PASK: variants seen among roughly 807,000 people sequenced by gnomAD.
PASK encodes the protein PAS domain-containing serine/threonine-protein kinase.
In PASK, 110 loss-of-function variants were observed where a neutral mutation model predicts 121.0. The ratio of observed to expected loss-of-function variants is 0.91; its 90% CI spans 0.78 to 1.06. The LOEUF (loss-of-function observed/expected upper bound fraction) is 1.06, where lower values mean the gene tolerates loss of function less well. Ranked by LOEUF, PASK falls within the 50% of genes least tolerant of loss-of-function variation. The pLI is 0.00. For missense variants in PASK, 1,643 were observed against 1,702.3 expected, an observed-to-expected ratio of 0.97 and a Z score of 0.61; for synonymous variants, 686 against 717.8, an observed-to-expected ratio of 0.96 and a Z score of 0.71.
In PASK at chr2:241,126,565, G is replaced by T. The variant is rs758313612; in HGVS notation, c.2350C>A (p.Leu784Ile). Reference sequence around the variant, plus strand: ...AGGACACACGACCCCTGTTCCTGGAGACTGCCTACATCTGGATCGGAGCCC... The same window carrying T: ...AGGACACACGACCCCTGTTCCTGGATACTGCCTACATCTGGATCGGAGCCC... ...AVGSDPDVGS[L>I]QEQGSCVLDD... The change falls in exon 10 of 18, where the codon CTC becomes ATC. Residue 784 changes from leucine to isoleucine, a missense_variant. Physicochemically the swap from Leu to Ile is conservative, Grantham distance 5. Coordinates refer to ENST00000234040, the MANE Select transcript of PASK (RefSeq NM_015148.4). 1.2e-6 allele frequency: 2 copies of T among 1,614,060 alleles called. No individual in the cohort carries two copies. The highest frequency in any genetic ancestry group is 2.2e-5 in the South Asian group (2 of 91,090).
At chr2:241,117,089 G>A (rs1482817359) in intron 12 of PASK, among the ~76,000 whole-genome samples, 1 of 151,430 alleles carries the variant, frequency 6.6e-6, no homozygotes, top group Non-Finnish European at 1.5e-5. Flanking sequence ...GCGGGGGGCT[G>A]GGCAGGCAAC....
rs575008435 is a variant in PASK, at chr2:241,122,690, G to A, written c.3072+42C>T. 3.8e-5 allele frequency: 61 copies of A among 1,587,454 alleles called. No homozygotes were observed. The South Asian group carries it at 6.3e-4, about 16-fold the overall frequency. On this transcript the variant is annotated intron_variant, in intron 12 of 17. Coordinates refer to ENST00000234040, the MANE Select transcript of PASK (RefSeq NM_015148.4). ...TGGGACCAAAAGTCGAGAGCCATGTGAAGTGGTGCCCGGCGCCACTCCCCC... is the reference window on the plus strand; with the variant it reads ...TGGGACCAAAAGTCGAGAGCCATGTAAAGTGGTGCCCGGCGCCACTCCCCC...
At position 241,132,360 on chromosome 2, in the gene PASK, C is replaced by CA. The variant is rs373981403; in HGVS notation, c.1463+513dup. On this transcript the variant is annotated intron_variant, in intron 9 of 17. Transcript: ENST00000234040. Reference sequence around the variant, plus strand: ...CAACATGGTGAAACTAAAAAAAATACAAAAAAGTAACCGGGCGTGGTGGCG... The same window carrying CA: ...CAACATGGTGAAACTAAAAAAAATACAAAAAAAGTAACCGGGCGTGGTGGCG... Among the ~76,000 whole-genome samples the CA allele has an allele frequency of 4.1e-3, 612 of 150,390 alleles. 1 individual carries two copies. The highest frequency in any genetic ancestry group is 0.013 in the African/African-American group (539 of 40,938).
rs577557968 is a variant in PASK at position 241,106,246 on chromosome 2, C to T, written c.*320G>A. 1 of 393,556 alleles carries T rather than the reference C, an allele frequency of 2.5e-6. No homozygotes were observed. Among genetic ancestry groups the T allele is most frequent in the Admixed American group, 4.1e-5 (1 of 24,420 alleles). 24.4% of individuals were successfully genotyped at this position (393,556 alleles called of 1,614,324 possible). A position where few individuals can be genotyped will look rare whatever the true frequency, so the allele number is the denominator to read the frequency against. ...ATATACCAAGTCAGAGGAAACAAAA[C>T]ATGCACATATACAAAAGTAGAAAGA... On this transcript the variant is annotated 3_prime_UTR_variant, in exon 18 of 18. Transcript: ENST00000234040.
upstream of PASK, chr2:241,150,029 G>A (rs565661304): frequency 3.4e-5 from 47 of 1,386,178 alleles, 1 homozygote; most frequent in South Asian, 6.3e-4. Context: ...TACAGACGCA[G>A]CCAGCGAGGC....
Position 241,133,049 on chromosome 2 carries a change from A to C in PASK, c.1307-19T>G. The C allele has an allele frequency of 1.2e-6, 2 of 1,613,732 alleles. No homozygotes were observed. The highest frequency in any genetic ancestry group is 1.7e-6 in the Non-Finnish European group (2 of 1,179,692). ...CTTGGATCTGGCAGCAACACCAAAAAAGAGCGTTTGCTCTTCACAGGCACT... is the reference window on the plus strand; with the variant it reads ...CTTGGATCTGGCAGCAACACCAAAACAGAGCGTTTGCTCTTCACAGGCACT... On this transcript the variant is annotated intron_variant, in intron 8 of 17. Transcript: ENST00000234040.
Position 241,126,480 on chromosome 2 carries a change from C to A in PASK, c.2435G>T (p.Arg812Leu). The A allele has an allele frequency of 6.2e-7, 1 of 1,614,216 alleles. No homozygotes were observed. The highest frequency in any genetic ancestry group is 8.5e-7 in the Non-Finnish European group (1 of 1,180,016). ...GTCVDLGQGRRFRESCVGHDP... is the reference protein window; with the variant it reads ...GTCVDLGQGRLFRESCVGHDP... ...ATGTCCCACACAGCTCTCCCGGAAC[C>A]GTCGGCCTTGGCCAAGGTCAACACA... is the stretch of plus-strand genomic sequence containing the variant. The change falls in exon 10 of 18, where the codon CGG becomes CTG. Residue 812 changes from arginine (R) to leucine (L), a missense_variant. Transcript: ENST00000234040.
intron 8 of PASK, chr2:241,134,620 C>A (rs977005607): frequency 1.3e-5 from 2 of 152,222 alleles, no homozygotes; most frequent in African/African-American, 4.8e-5. Flanking sequence ...TGTATTAAAT[C>A]CACTTTCGCA....
intron 9 of PASK, among the ~76,000 whole-genome samples, chr2:241,129,171 C>T (rs1277567884): frequency 6.6e-6 from 1 of 152,156 alleles, no homozygotes. Context: ...CGAATGCACA[C>T]CACGAGGGTC....
At chr2:241,134,399 G>A (rs1274752876) in intron 8 of PASK, 3 of 152,250 alleles carry the variant, frequency 2.0e-5, no homozygotes, top group Non-Finnish European at 4.4e-5. Context: ...AGCCGGGATT[G>A]TAAGGAGAAC....
At position 241,123,932 on chromosome 2, in the gene PASK, T is replaced by C; in HGVS notation, c.2904+17A>G. 3 of 1,608,732 alleles carry C rather than the reference T, an allele frequency of 1.9e-6. No homozygotes were observed. Among genetic ancestry groups the C allele is most frequent in the Non-Finnish European group, 2.6e-6 (3 of 1,176,166 alleles). On this transcript the variant is annotated intron_variant, in intron 11 of 17. Transcript: ENST00000234040. ...TACAAGGCAAGTCCAGGGCAGGCAT[T>C]GATTGCAAATACCCACTTCCACCAG... is the stretch of plus-strand genomic sequence containing the variant.
chr2:241,130,490 G>A (rs1384675738), intron 9 of PASK, among the ~76,000 whole-genome samples: 6 of 152,224 alleles, frequency 3.9e-5, no homozygotes, highest in South Asian at 2.1e-4. Flanking sequence ...AAGGGGGCCC[G>A]GCCGCTAGTG....
In PASK at chr2:241,126,701, C is replaced by T. The variant is rs771261700; in HGVS notation, c.2214G>A (p.Ser738=). 21 of 1,614,080 alleles carry T rather than the reference C, an allele frequency of 1.3e-5. No homozygotes were observed. The highest frequency in any genetic ancestry group is 8.3e-5 in the Admixed American group (5 of 60,012). ...AGAGTTCCTTGAGGTTCCAGGAAAACGAATTCACATCAACCTCCTGGGCCT... is the reference window on the plus strand; with the variant it reads ...AGAGTTCCTTGAGGTTCCAGGAAAATGAATTCACATCAACCTCCTGGGCCT... ...AVEAQEVDVN[S]FSWNLKELFF... Residue 738 remains serine, a synonymous_variant, in exon 10 of 18, where the codon TCG becomes TCA. Transcript: ENST00000234040.
At position 241,110,434 on chromosome 2, in the gene PASK, G is replaced by A. The variant is rs183361813; in HGVS notation, c.3533+1806C>T. Among the ~76,000 whole-genome samples the A allele has an allele frequency of 1.1e-3, 170 of 152,346 alleles. 1 individual carries two copies. The highest frequency in any genetic ancestry group is 3.6e-3 in the African/African-American group (151 of 41,576). On this transcript the variant is annotated intron_variant, in intron 15 of 17. Transcript: ENST00000234040. ...GAAACCCTTTCATCCAGGGAGATGG[G>A]GAGAGGACGCAGGAGGGAGGAAGGA...
intron 2 of PASK, 55 bp downstream of exon 2, chr2:241,142,782 A>C (rs2066764231): frequency 7.8e-7 from 1 of 1,288,826 alleles, no homozygotes; most frequent in South Asian, 1.2e-5. Flanking sequence ...AACACAGAGC[A>C]ACTCCACATT....
At chr2:241,144,945 G>C (rs951516054) in intron 1 of PASK, among the ~76,000 whole-genome samples, 19 of 151,980 alleles carry the variant, frequency 1.3e-4, no homozygotes, top group Non-Finnish European at 1.6e-4. Context: ...ACAGAGTCTC[G>C]CTGTGTCGCC....
intron 1 of PASK, among the ~76,000 whole-genome samples, chr2:241,147,873 C>G (rs1327056321): frequency 3.9e-5 from 6 of 152,120 alleles, no homozygotes; most frequent in Non-Finnish European, 8.8e-5. Flanking sequence ...TCTGCGGGAG[C>G]GGGGAGGACA....
chr2:241,136,117 T>C, intron 7 of PASK, 78 bp from the exon 8 acceptor site: 5 of 1,284,696 alleles, frequency 3.9e-6, no homozygotes, highest in Non-Finnish European at 4.5e-6. Context: ...GGGGGAGGAA[T>C]GAACACAAGG....
chr2:241,124,374 C>A (rs574038372), intron 10 of PASK, among the ~76,000 whole-genome samples: 8 of 152,198 alleles, frequency 5.3e-5, no homozygotes, highest in Non-Finnish European at 8.8e-5. Flanking sequence ...AGCCTGCAGG[C>A]CTGCAACAAC....
Sources: allele counts gnomAD v4.1 joint callset (sites outside exome capture counted in the v4.1 genomes callset), GRCh38; gene constraint gnomAD v4.1.1; transcripts MANE v1.5; gene names NCBI Gene and HGNC (gene_info 2026-07-23, HGNC 2026-07-21).